The following AGBL2 variants were observed in gnomAD, a reference collection of about 807,000 sequenced individuals.
The protein encoded by AGBL2 is AGBL carboxypeptidase 2.
A neutral mutation model predicts 103.0 loss-of-function variants in AGBL2; 87 were observed. That is an observed-to-expected ratio of 0.84 (90% confidence interval 0.71 to 1.01). The LOEUF (loss-of-function observed/expected upper bound fraction) is 1.01. Ranked by LOEUF, AGBL2 falls within the 50% of genes least tolerant of loss-of-function variation. The pLI is 0.00. For missense variants in AGBL2, 904 were observed against 1,023.5 expected, an observed-to-expected ratio of 0.88 and a Z score of 1.59; for synonymous variants, 335 against 356.7, an observed-to-expected ratio of 0.94 and a Z score of 0.69.
chr11:47,706,339 A>C (rs547346106), intron 4 of AGBL2, among the ~76,000 whole-genome samples: 1 of 152,094 alleles, frequency 6.6e-6, no homozygotes, highest in Admixed American at 6.6e-5. Context: ...ACATGGTGAA[A>C]TCCTGTCTCT....
chr11:47,665,933 C>T (rs531840921), intron 17 of AGBL2, among the ~76,000 whole-genome samples: 3 of 152,134 alleles, frequency 2.0e-5, no homozygotes, highest in South Asian at 2.1e-4. Context: ...CACTTGAACC[C>T]GGGAAGTGGA....
chr11:47,701,294 C>A (rs1036469597), intron 7 of AGBL2, among the ~76,000 whole-genome samples: 5 of 150,942 alleles, frequency 3.3e-5, no homozygotes, highest in Non-Finnish European at 7.4e-5. Flanking sequence ...CATGGTGAAA[C>A]CCCGTCTCTA....
chr11:47,691,430 G>A (rs972405991), intron 9 of AGBL2, among the ~76,000 whole-genome samples: 4 of 149,980 alleles, frequency 2.7e-5, no homozygotes, highest in East Asian at 2.0e-4. Context: ...ATAAATGGCC[G>A]GGCACAGTGG....
intron 14 of AGBL2, among the ~76,000 whole-genome samples, chr11:47,674,360 G>C (rs892486309): frequency 6.6e-6 from 1 of 151,908 alleles, no homozygotes; most frequent in Admixed American, 6.6e-5. Context: ...TCAGGAGTTC[G>C]AGACCAGCCT....
At chr11:47,714,834 C>T (rs2097545518) in intron 1 of AGBL2, 84 bp from the exon 2 acceptor site, 2 of 626,718 alleles carry the variant, frequency 3.2e-6, no homozygotes, top group Non-Finnish European at 5.7e-6. Flanking sequence ...TCAGAAAACC[C>T]TGCCAACCCA....
At chr11:47,685,414 G>A (rs1226361764) in intron 11 of AGBL2, among the ~76,000 whole-genome samples, 5 of 151,454 alleles carry the variant, frequency 3.3e-5, no homozygotes, top group African/African-American at 1.2e-4. Context: ...GTAGCTGGCA[G>A]GACACAGCAA....
rs956467212 is a variant in AGBL2 at position 47,705,558 on chromosome 11, A to C, written c.363T>G (p.Asp121Glu). The change falls in exon 6 of 19, where the codon GAT (aspartate) becomes GAG (glutamate). Residue 121 changes from aspartate to glutamate, a missense_variant. Physicochemically the swap from Asp to Glu is conservative, Grantham distance 45. Coordinates refer to ENST00000525123, the MANE Select transcript of AGBL2 (RefSeq NM_024783.4). ...SLQPPPPRFKDSPASAFRVAG... is the reference protein window; with the variant it reads ...SLQPPPPRFKESPASAFRVAG... The stretch of plus-strand genomic sequence containing the variant: ...CTACTCGGAAAGCTGAGGCAGGAGA[A>C]TCCTTGAATCTGGGAGGTGGAGGTT... 1.6e-5 allele frequency: 7 copies of C among 444,452 alleles called. No individual in the cohort carries two copies. The Admixed American group carries it at 1.7e-4, about 11-fold the overall frequency. The allele number at this position is 444,452 out of a possible 1,614,324, so 27.5% of individuals were successfully genotyped here.
intron 7 of AGBL2, among the ~76,000 whole-genome samples, chr11:47,704,308 C>T (rs573386988): frequency 1.3e-4 from 19 of 151,544 alleles, no homozygotes; most frequent in African/African-American, 3.6e-4. Context: ...GATGAAACCC[C>T]GTCTCTACTT....
intron 8 of AGBL2, among the ~76,000 whole-genome samples, chr11:47,699,082 CTG>C (rs934739789): frequency 5.9e-5 from 9 of 151,394 alleles, no homozygotes; most frequent in African/African-American, 2.2e-4. Flanking sequence ...ACACAGGAAA[CTG>C]CATTACTAAA....
intron 14 of AGBL2, 23 bp downstream of exon 14, chr11:47,677,248 A>G (rs1031105233): frequency 7.6e-6 from 12 of 1,569,464 alleles, no homozygotes; most frequent in East Asian, 4.6e-5. Flanking sequence ...AAAAAAAACA[A>G]AACTCTGTTT....
intron 14 of AGBL2, among the ~76,000 whole-genome samples, chr11:47,669,713 A>T (rs376316849): frequency 6.6e-6 from 1 of 151,794 alleles, no homozygotes; most frequent in South Asian, 2.1e-4. Flanking sequence ...TTTTTGAGAC[A>T]GAGTCTCCCT....
intron 7 of AGBL2, among the ~76,000 whole-genome samples, chr11:47,703,309 GA>G (rs1350631521): frequency 2.0e-5 from 3 of 151,742 alleles, no homozygotes; most frequent in Non-Finnish European, 2.9e-5. Flanking sequence ...AAAAAGAAAA[GA>G]AAAAAACCAC....
In AGBL2 at chr11:47,693,578, A is replaced by G. The variant is rs943126875; in HGVS notation, c.695-1322T>C. Among the ~76,000 whole-genome samples the G allele has an allele frequency of 7.2e-5, 11 of 152,250 alleles. No homozygotes were observed. The South Asian group carries it at 1.7e-3, about 23-fold the overall frequency. ...ACTCTCAGTTCTGTTTTAGTGACCT[A>G]TATGCCTACCCTGTGTTAGGATTAT... On this transcript the variant is annotated intron_variant, in intron 8 of 18. Transcript: ENST00000525123.
chr11:47,699,274 G>A (rs1231471856), intron 8 of AGBL2, among the ~76,000 whole-genome samples, 172 bp downstream of exon 8: 5 of 152,216 alleles, frequency 3.3e-5, no homozygotes, highest in East Asian at 3.9e-4. Flanking sequence ...GAAAATTATC[G>A]AAATTTTGCA....
intron 17 of AGBL2, among the ~76,000 whole-genome samples, chr11:47,664,888 T>TAA (rs2097337254): frequency 5.0e-5 from 7 of 139,650 alleles, no homozygotes; most frequent in Non-Finnish European, 1.1e-4. Flanking sequence ...TTTTTTTTTT[T>TAA]TTTTTTAATT....
intron 10 of AGBL2, among the ~76,000 whole-genome samples, chr11:47,687,607 T>C (rs557862453): frequency 1.3e-5 from 2 of 151,886 alleles, no homozygotes; most frequent in East Asian, 1.9e-4. Flanking sequence ...CTCCTACTCC[T>C]GCTTTCGCCA....
At chr11:47,666,579 G>A (rs1282930583) in intron 17 of AGBL2, 4 of 476,838 alleles carry the variant, frequency 8.4e-6, no homozygotes, top group Non-Finnish European at 1.1e-5. Flanking sequence ...TTTGTTCAAG[G>A]TTGCATTCAC....
intron 9 of AGBL2, 139 bp from the exon 10 acceptor site, chr11:47,690,997 TA>T: frequency 2.8e-6 from 2 of 726,462 alleles, no homozygotes; most frequent in South Asian, 3.9e-5. Flanking sequence ...TTATTCTCTG[TA>T]ATCCCAGCAC....
chr11:47,674,034 G>C (rs147168344), intron 14 of AGBL2, among the ~76,000 whole-genome samples: 226 of 152,126 alleles, frequency 1.5e-3, no homozygotes, highest in African/African-American at 5.3e-3. Flanking sequence ...AGAGGTTGCA[G>C]TGAGTGGAGA....
Sources: gnomAD v4.1 joint callset for allele counts (sites outside exome capture counted in the v4.1 genomes callset) on GRCh38, gnomAD v4.1.1 for gene constraint, MANE v1.5 for transcripts, NCBI Gene and HGNC (gene_info 2026-07-23, HGNC 2026-07-21) for gene names.